Variants in RANBP9 observed in about 807,000 individuals in gnomAD.
The protein encoded by RANBP9 is ran-binding protein 9.
RANBP9 carries 15 observed loss-of-function variants against 84.3 expected under a neutral mutation model. The observed-to-expected ratio is 0.18, with a 90% CI of 0.12 to 0.27. The LOEUF (loss-of-function observed/expected upper bound fraction) is 0.27, where lower values mean the gene tolerates loss of function less well. Among genes scored for constraint, RANBP9 ranks in the 10% least tolerant of loss-of-function variants. The pLI, the probability that RANBP9 is intolerant of heterozygous loss-of-function variation, is 1.00. For missense variants in RANBP9, 809 were observed against 912.8 expected (o/e 0.89, Z 1.46); for synonymous variants, 392 against 349.6 (o/e 1.12, Z -1.35).
At chr6:13,649,270 C>T (rs559231543) in intron 5 of RANBP9, among the ~76,000 whole-genome samples, 1 of 152,050 alleles carries the variant, frequency 6.6e-6, no homozygotes, top group South Asian at 2.1e-4. Context: ...ATTGTTACAA[C>T]AAAGTTGCAC....
intron 10 of RANBP9, among the ~76,000 whole-genome samples, chr6:13,636,230 C>T (rs1410241802): frequency 2.0e-5 from 3 of 152,176 alleles, no homozygotes; most frequent in African/African-American, 7.2e-5. Flanking sequence ...CTGCAACTTA[C>T]TAGCTACTAA....
chr6:13,641,096 G>T, intron 8 of RANBP9, 103 bp downstream of exon 8: 5 of 736,876 alleles, frequency 6.8e-6, no homozygotes, highest in Non-Finnish European at 1.0e-5. Context: ...CTTGAAAAAC[G>T]AAAAAAACTA....
Position 13,699,234 on chromosome 6 carries a change from A to T in RANBP9, c.572-2338T>A, listed in dbSNP as rs534604261. ...ATTTTTCCATTATGCAAAAATTACTATAAAGTACCAGTTATAAATCTTCAA... is the reference window on the plus strand; with the variant it reads ...ATTTTTCCATTATGCAAAAATTACTTTAAAGTACCAGTTATAAATCTTCAA... On this transcript the variant is annotated intron_variant, in intron 1 of 13. Coordinates refer to ENST00000011619, the MANE Select transcript of RANBP9 (RefSeq NM_005493.3). Among the ~76,000 whole-genome samples the T allele has an allele frequency of 1.7e-4, 26 of 152,350 alleles. No homozygotes were observed. The South Asian group carries it at 5.4e-3, about 32-fold the overall frequency.
intron 12 of RANBP9, among the ~76,000 whole-genome samples, chr6:13,630,909 A>G (rs1042459137): frequency 6.6e-6 from 1 of 152,058 alleles, no homozygotes; most frequent in Non-Finnish European, 1.5e-5. Context: ...TCCTGGGTTC[A>G]AGTGATTCTC....
rs147119115 is a variant in RANBP9, at chr6:13,687,610, C to T, written c.683+9175G>A. The stretch of plus-strand genomic sequence containing the variant: ...AACATTCTCTCAACAACTACCTTTA[C>T]GTGCTTACTACTCCTACTTCCTAAT... On this transcript the variant is annotated intron_variant, in intron 2 of 13. Transcript: ENST00000011619. 3.3e-3 allele frequency among the ~76,000 whole-genome samples: 503 copies of T among 152,254 alleles called. 8 individuals are homozygous for T. Among genetic ancestry groups the T allele is most frequent in the African/African-American group, 0.011 (466 of 41,552 alleles).
chr6:13,703,701 G>A (rs1584950970), intron 1 of RANBP9, among the ~76,000 whole-genome samples: 1 of 152,210 alleles, frequency 6.6e-6, no homozygotes, highest in East Asian at 1.9e-4. Flanking sequence ...CAGTCAGTAG[G>A]GAAAAAGAAA....
At chr6:13,644,129 C>T (rs1240757763) in intron 6 of RANBP9, among the ~76,000 whole-genome samples, 1 of 152,092 alleles carries the variant, frequency 6.6e-6, no homozygotes, top group Non-Finnish European at 1.5e-5. Flanking sequence ...TGGACATAGC[C>T]AAGTTCATGA....
chr6:13,687,320 T>A (rs1247879928), intron 2 of RANBP9, among the ~76,000 whole-genome samples: 1 of 152,124 alleles, frequency 6.6e-6, no homozygotes, highest in Non-Finnish European at 1.5e-5. Context: ...CATCATCATC[T>A]TCTTTAAAGA....
chr6:13,662,863 A>G (rs1765565114), intron 2 of RANBP9, among the ~76,000 whole-genome samples: 1 of 152,202 alleles, frequency 6.6e-6, no homozygotes, highest in African/African-American at 2.4e-5. Context: ...TTAATGGCAG[A>G]CTGAAGATGG....
intron 5 of RANBP9, among the ~76,000 whole-genome samples, chr6:13,650,321 C>A (rs568752403): frequency 9.2e-5 from 14 of 152,124 alleles, no homozygotes; most frequent in African/African-American, 3.4e-4. Flanking sequence ...TATTCCTTGG[C>A]TTAAAATTAT....
chr6:13,632,744 TGA>T (rs1172995681), intron 11 of RANBP9: 2 of 445,998 alleles, frequency 4.5e-6, no homozygotes, highest in African/African-American at 4.0e-5. Context: ...AGCATGCAGT[TGA>T]GAGGGGACAA....
chr6:13,641,169 C>T lies in RANBP9; in HGVS notation c.1334+30G>A, dbSNP rs764591896. ...CTTGACAAATATTTATAATATATAA[C>T]AAATATAGCATTTTATTATGCAAAC... On this transcript the variant is annotated intron_variant, in intron 8 of 13. Transcript: ENST00000011619. 3.2e-6 allele frequency: 4 copies of T among 1,246,352 alleles called. No homozygotes were observed. The African/African-American group carries it at 6.2e-5, about 19-fold the overall frequency. The allele number at this position is 1,246,352 out of a possible 1,614,324, so 77.2% of individuals were successfully genotyped here.
At chr6:13,704,532 G>A (rs921475601) in intron 1 of RANBP9, among the ~76,000 whole-genome samples, 1 of 152,052 alleles carries the variant, frequency 6.6e-6, no homozygotes, top group Non-Finnish European at 1.5e-5. Flanking sequence ...TCAGGATGCT[G>A]AGGTGGGAGG....
intron 5 of RANBP9, among the ~76,000 whole-genome samples, chr6:13,646,484 C>G (rs1454018107): frequency 6.6e-6 from 1 of 152,008 alleles, no homozygotes; most frequent in Admixed American, 6.6e-5. Flanking sequence ...TACTTTAACA[C>G]AAAAGCATAT....
At chr6:13,635,572 G>GGT (rs529560204) in intron 10 of RANBP9, among the ~76,000 whole-genome samples, 11 of 151,464 alleles carry the variant, frequency 7.3e-5, no homozygotes, top group African/African-American at 2.2e-4. Flanking sequence ...ACACCTTGGG[G>GGT]GTGTGTGTGT....
intron 1 of RANBP9, among the ~76,000 whole-genome samples, chr6:13,706,965 CA>C (rs1159433476): frequency 6.7e-6 from 1 of 148,472 alleles, no homozygotes; most frequent in Non-Finnish European, 1.5e-5. Context: ...GAGATTGTAC[CA>C]CCGCACTCCA....
chr6:13,710,116 A>G (rs1758235563), intron 1 of RANBP9, among the ~76,000 whole-genome samples: 1 of 152,210 alleles, frequency 6.6e-6, no homozygotes, highest in African/African-American at 2.4e-5. Flanking sequence ...GTTTTAACCT[A>G]GGAGAGGTAG....
intron 2 of RANBP9, among the ~76,000 whole-genome samples, chr6:13,670,796 T>A: frequency 8.0e-6 from 1 of 124,828 alleles, no homozygotes; most frequent in Non-Finnish European, 1.6e-5. Context: ...CAAAATTCCA[T>A]CTTAGAAAAA....
chr6:13,641,173 T>G (rs752033497), intron 8 of RANBP9, 26 bp downstream of exon 8: 1 of 1,272,926 alleles, frequency 7.9e-7, no homozygotes, highest in African/African-American at 1.5e-5. Flanking sequence ...ATATAACAAA[T>G]ATAGCATTTT....
Sources: allele counts gnomAD v4.1 joint callset (sites outside exome capture counted in the v4.1 genomes callset), GRCh38; gene constraint gnomAD v4.1.1; transcripts MANE v1.5; gene names NCBI Gene and HGNC (gene_info 2026-07-23, HGNC 2026-07-21).